DNAH1: variants seen among roughly 807,000 people sequenced by gnomAD.
DNAH1 encodes dynein axonemal heavy chain 1.
DNAH1 carries 327 observed loss-of-function variants against 484.3 expected under a neutral mutation model. The observed-to-expected ratio is 0.68, with a 90% CI of 0.62 to 0.74. The LOEUF is 0.74. DNAH1 is among the 30% of genes least tolerant of loss of function. DNAH1 has a pLI of 0.00. For synonymous variants in DNAH1, 2,192 were observed against 2,191.9 expected, an observed-to-expected ratio of 1.00 and a Z score of 0.00; for missense variants, 5,052 against 5,546.8, an observed-to-expected ratio of 0.91 and a Z score of 2.83.
rs1704536648 is a variant in DNAH1 at position 52,394,622 on chromosome 3, C to T, written c.10784C>T (p.Ser3595Leu). The T allele has an allele frequency of 1.3e-6, 2 of 1,595,220 alleles. No homozygotes were observed. Among genetic ancestry groups the T allele is most frequent in the Non-Finnish European group, 8.6e-7 (1 of 1,168,236 alleles). The change falls in exon 67 of 78, where the codon TCA becomes TTA. Residue 3595 changes from serine (S) to leucine (L), a missense_variant. Around this residue, in one of 4 missense-constraint regions of DNAH1, gnomAD observed 853 missense variants for 899.0 expected, o/e 0.95. Coordinates refer to ENST00000420323, the MANE Select transcript of DNAH1 (RefSeq NM_015512.5). ...SFSSDFVKHLSEFRVIFDSLE... is the reference protein window; with the variant it reads ...SFSSDFVKHLLEFRVIFDSLE... Reference sequence around the variant, plus strand: ...TCTTCCGACTTCGTGAAGCACCTCTCAGAATTCCGGGTCATCTTCGACAGC... The same window carrying T: ...TCTTCCGACTTCGTGAAGCACCTCTTAGAATTCCGGGTCATCTTCGACAGC...
At position 52,327,293 on chromosome 3, in the gene DNAH1, C is replaced by A. The variant is rs150949477; in HGVS notation, c.738+402C>A. 1.2e-3 allele frequency among the ~76,000 whole-genome samples: 186 copies of A among 152,218 alleles called. 2 individuals carry two copies. The highest frequency in any genetic ancestry group is 4.3e-3 in the African/African-American group (180 of 41,530). On this transcript the variant is annotated intron_variant, in intron 5 of 77. Transcript: ENST00000420323. ...TGGAAGAGGGAATCAGTGCCACCCC[C>A]GTGGGGTATAAATCAGGAAACGAAT...
rs773048217 is a variant in DNAH1, at chr3:52,394,941, A to G, written c.10850A>G (p.Gln3617Arg). The G allele has an allele frequency of 1.2e-6, 2 of 1,613,472 alleles. No individual in the cohort carries two copies. Among genetic ancestry groups the G allele is most frequent in the East Asian group, 2.2e-5 (1 of 44,888 alleles). The change falls in exon 68 of 78, where the codon CAG (glutamine) becomes CGG (arginine). Residue 3617 changes from glutamine (Q) to arginine (R), a missense_variant. Coordinates refer to ENST00000420323, the MANE Select transcript of DNAH1 (RefSeq NM_015512.5). ...GAGCCTTTGCCTGGCATCTGGGACC[A>G]GTACCTAGACCAGTTCCAGAAGCTG... ...HREPLPGIWD[Q>R]YLDQFQKLLV...
At chr3:52,315,893 G>A (rs1042700983), upstream of DNAH1, among the ~76,000 whole-genome samples, 3 of 152,244 alleles carry the variant, frequency 2.0e-5, no homozygotes, top group African/African-American at 7.2e-5. Context: ...CTTCCAGGGA[G>A]GAGGGAGGCA....
At chr3:52,365,598 A>G (rs1578148841) in intron 34 of DNAH1, among the ~76,000 whole-genome samples, 1 of 152,196 alleles carries the variant, frequency 6.6e-6, no homozygotes, top group South Asian at 2.1e-4. Context: ...CTCGCCCCTC[A>G]TAGTAGGATG....
In DNAH1 at chr3:52,368,413, C is replaced by G. The variant is rs1170166387; in HGVS notation, c.5766-328C>G. On this transcript the variant is annotated intron_variant, in intron 36 of 77. Transcript: ENST00000420323. This position sits in a 1 kb window ranked among gnomAD's most constrained non-coding sequence, Gnocchi z 4.4. ...TTCTCACCACGCTGCTTTCTCTGCC[C>G]TGTCATTTACCCTCCTCCATCCTTG... Among the ~76,000 whole-genome samples the G allele has an allele frequency of 1.3e-5, 2 of 152,140 alleles. No homozygotes were observed. The highest frequency in any genetic ancestry group is 1.3e-4 in the Admixed American group (2 of 15,270).
rs1268954616 is a variant in DNAH1 at position 52,361,161 on chromosome 3, C to A, written c.4686-3C>A. ...CCGAGCCCACCTCCTCTGTCTCCTG[C>A]AGGTGCTACCTGACACTGACCGGAG... On this transcript the variant is annotated splice_polypyrimidine_tract_variant and splice_region_variant and intron_variant, in intron 28 of 77. Transcript: ENST00000420323. The surrounding 1 kb of genome is among the most constrained non-coding windows in gnomAD (Gnocchi z 5.6). 6.3e-7 allele frequency: 1 copy of A among 1,590,168 alleles called. No individual in the cohort carries two copies. Among genetic ancestry groups the A allele is most frequent in the Non-Finnish European group, 8.6e-7 (1 of 1,169,210 alleles).
chr3:52,328,154 G>C, intron 6 of DNAH1, 140 bp downstream of exon 6: 3 of 1,136,188 alleles, frequency 2.6e-6, no homozygotes, highest in Non-Finnish European at 2.4e-6. Flanking sequence ...GACAGGCCTA[G>C]AAGCTGGCCT....
chr3:52,333,707 A>G (rs543377353), intron 8 of DNAH1, among the ~76,000 whole-genome samples: 2 of 152,222 alleles, frequency 1.3e-5, no homozygotes, highest in East Asian at 1.9e-4. Flanking sequence ...CAACTTTATG[A>G]TGGTGTGAAA....
In DNAH1 at chr3:52,388,628, C is replaced by T. The variant is rs1288852464; in HGVS notation, c.9363+19C>T. On this transcript the variant is annotated intron_variant, in intron 58 of 77. Coordinates refer to ENST00000420323, the MANE Select transcript of DNAH1 (RefSeq NM_015512.5). ...TGGCAAGGTGCGCACCCTCCTCCTG[C>T]AAGGCCTGCAAGCGGGCCCGGCCCA... 3.1e-6 allele frequency: 5 copies of T among 1,611,780 alleles called. No individual in the cohort carries two copies. In the African/African-American group the frequency reaches 5.3e-5, roughly 17 times the overall value.
At position 52,347,696 on chromosome 3, in the gene DNAH1, G is replaced by C. The variant is rs374530577; in HGVS notation, c.1956-128G>C. On this transcript the variant is annotated intron_variant, in intron 11 of 77. Coordinates refer to ENST00000420323, the MANE Select transcript of DNAH1 (RefSeq NM_015512.5). ...CTGGTAACTTGGAGGTGTGTGGGAC[G>C]AAGGAGAAGGCAAGTATTGTGCATG... 4.3e-6 allele frequency: 5 copies of C among 1,166,128 alleles called. No homozygotes were observed. The Admixed American group carries it at 9.8e-5, about 23-fold the overall frequency. 72.2% of individuals were successfully genotyped at this position (1,166,128 alleles called of 1,614,324 possible).
Position 52,355,737 on chromosome 3 carries a change from C to A in DNAH1, c.3693+682C>A, listed in dbSNP as rs1385771187. Among the ~76,000 whole-genome samples, 1 of 152,246 alleles carries A rather than the reference C, an allele frequency of 6.6e-6. No homozygotes were observed. The highest frequency in any genetic ancestry group is 1.5e-5 in the Non-Finnish European group (1 of 68,042). Reference sequence around the variant, plus strand: ...TGAGCTGGTCAGCACTATCCCCAGTCCCCCTCTGCTCACGCTGTCCACTCG... The same window carrying A: ...TGAGCTGGTCAGCACTATCCCCAGTACCCCTCTGCTCACGCTGTCCACTCG... On this transcript the variant is annotated intron_variant, in intron 21 of 77. Transcript: ENST00000420323. This position sits in a 1 kb window ranked among gnomAD's most constrained non-coding sequence, Gnocchi z 4.5.
rs747127144 is a variant in DNAH1, at chr3:52,369,983, G to A, written c.6102G>A (p.Glu2034=). 1.2e-6 allele frequency: 2 copies of A among 1,613,748 alleles called. No individual in the cohort carries two copies. Among genetic ancestry groups the A allele is most frequent in the African/African-American group, 2.7e-5 (2 of 74,940 alleles). The change falls in exon 38 of 78, where the codon GAG becomes GAA. Residue 2034 remains glutamate, a synonymous_variant. Coordinates refer to ENST00000420323, the MANE Select transcript of DNAH1 (RefSeq NM_015512.5). ...TGCCTCCCTTGCTGAAGCCCTATGA[G>A]GAGCATTTCAAGGCCCTCTTTGTCA... is the stretch of plus-strand genomic sequence containing the variant. The part of the protein sequence containing the change: ...RKLPPLLKPY[E]EHFKALFVSF...
At chr3:52,348,626 C>T (rs1230009396) in intron 12 of DNAH1, among the ~76,000 whole-genome samples, 1 of 152,234 alleles carries the variant, frequency 6.6e-6, no homozygotes, top group Non-Finnish European at 1.5e-5. Flanking sequence ...CAGGCCCAGG[C>T]AGAGTCATGC....
chr3:52,359,878 G>C, intron 26 of DNAH1, 38 bp from the exon 27 acceptor site: 1 of 1,609,750 alleles, frequency 6.2e-7, no homozygotes, highest in Non-Finnish European at 8.5e-7. Context: ...GCCTCCTCGT[G>C]GTACCCTGAT....
At position 52,381,257 on chromosome 3, in the gene DNAH1, C is replaced by T. The variant is rs1031062854; in HGVS notation, c.7609-383C>T. Among the ~76,000 whole-genome samples the T allele has an allele frequency of 7.2e-5, 11 of 152,212 alleles. No individual in the cohort carries two copies. Among genetic ancestry groups the T allele is most frequent in the African/African-American group, 1.2e-4 (5 of 41,506 alleles). On this transcript the variant is annotated intron_variant, in intron 48 of 77. Transcript: ENST00000420323. The surrounding 1 kb of genome is among the most constrained non-coding windows in gnomAD (Gnocchi z 4.1). ...CTGGGACCACAGGCACGCACCACCA[C>T]GCCCAGCTAATTTTTATTTTTATTT...
At chr3:52,374,206 GC>G in intron 44 of DNAH1, 1 of 1,341,812 alleles carries the variant, frequency 7.5e-7, no homozygotes, top group South Asian at 1.2e-5. Context: ...ATGAAACAGA[GC>G]ATCATAATGG....
chr3:52,368,825 G>A lies in DNAH1; in HGVS notation c.5850G>A (p.Pro1950=), dbSNP rs374690567. 3.9e-4 allele frequency: 636 copies of A among 1,613,874 alleles called. No homozygotes were observed. Among genetic ancestry groups the A allele is most frequent in the Non-Finnish European group, 5.1e-4 (601 of 1,179,902 alleles). Residue 1950 remains proline, a synonymous_variant, in exon 37 of 78, where the codon CCG becomes CCA. Coordinates refer to ENST00000420323, the MANE Select transcript of DNAH1 (RefSeq NM_015512.5). This position sits in a 1 kb window ranked among gnomAD's most constrained non-coding sequence, Gnocchi z 4.4. ...AGAAGTGGTACATGTTCGATGGGCCGGTGGATGCCATCTGGATTGAGAACA... is the reference window on the plus strand; with the variant it reads ...AGAAGTGGTACATGTTCGATGGGCCAGTGGATGCCATCTGGATTGAGAACA... ...TNKKWYMFDG[P]VDAIWIENMN... is the part of the protein sequence containing the mutation.
chr3:52,354,818 C>G (rs1371158276), intron 20 of DNAH1, 25 bp from the exon 21 acceptor site: 1 of 1,610,606 alleles, frequency 6.2e-7, no homozygotes, highest in South Asian at 1.1e-5. Flanking sequence ...TCCCAGGACT[C>G]AGCCTGGCTT....
Position 52,386,722 on chromosome 3 carries a change from A to T in DNAH1, c.8872A>T (p.Met2958Leu), listed in dbSNP as rs1183616337. ...ACTGGTCATAGAAGCTGTGTGCATT[A>T]TGAAAGGCATCAAGCCCAAGAAGGT... ...VKLVIEAVCI[M>L]KGIKPKKVPG... Residue 2958 changes from methionine to leucine, a missense_variant, in exon 56 of 78, where the codon ATG becomes TTG. Physicochemically the swap from Met to Leu is conservative, Grantham distance 15. This residue lies in a region of DNAH1 where 2,929 missense variants were observed against 3,409.4 expected (regional missense o/e 0.86). Coordinates refer to ENST00000420323, the MANE Select transcript of DNAH1 (RefSeq NM_015512.5). 1 of 1,591,964 alleles carries T rather than the reference A, an allele frequency of 6.3e-7. No individual in the cohort carries two copies. Among genetic ancestry groups the T allele is most frequent in the Non-Finnish European group, 8.5e-7 (1 of 1,169,632 alleles).
Sources: allele counts gnomAD v4.1 joint callset (sites outside exome capture counted in the v4.1 genomes callset), GRCh38; gene constraint gnomAD v4.1.1; regional missense constraint gnomAD v4.1.1; non-coding constraint Gnocchi (gnomAD v3.1); transcripts MANE v1.5; gene names NCBI Gene and HGNC (gene_info 2026-07-23, HGNC 2026-07-21).